The following WDFY2 variants were observed in gnomAD, a reference collection of about 807,000 sequenced individuals.
WDFY2 encodes the protein WD repeat and FYVE domain containing 2.
In WDFY2, 36 loss-of-function variants were observed where a neutral mutation model predicts 56.4. The ratio of observed to expected loss-of-function variants is 0.64; its 90% confidence interval spans 0.49 to 0.84. WDFY2 has a LOEUF of 0.84. Among genes scored for constraint, WDFY2 ranks in the 40% least tolerant of loss-of-function variants. WDFY2 has a pLI of 0.00. For synonymous variants in WDFY2, 176 were observed against 183.7 expected, an observed-to-expected ratio of 0.96 and a Z score of 0.34; for missense variants, 444 against 512.2, an observed-to-expected ratio of 0.87 and a Z score of 1.29.
chr13:51,729,411 T>TAAAA (rs766653299), intron 6 of WDFY2, among the ~76,000 whole-genome samples: 1 of 136,902 alleles, frequency 7.3e-6, no homozygotes, highest in Non-Finnish European at 1.6e-5. Flanking sequence ...ATAGAAGCTT[T>TAAAA]AAAAAAAAAA....
chr13:51,702,356 C>G (rs1952003014), intron 3 of WDFY2, among the ~76,000 whole-genome samples: 1 of 151,692 alleles, frequency 6.6e-6, no homozygotes, highest in Non-Finnish European at 1.5e-5. Context: ...AATTGTAGGT[C>G]TAACTCTTCC....
intron 1 of WDFY2, among the ~76,000 whole-genome samples, chr13:51,595,025 A>G (rs753563440): frequency 7.2e-5 from 11 of 152,030 alleles, no homozygotes; most frequent in South Asian, 6.2e-4. Flanking sequence ...TTTCTTCTCT[A>G]TTATAGAAGG....
chr13:51,712,282 C>T (rs906358966), intron 4 of WDFY2, among the ~76,000 whole-genome samples: 5 of 152,084 alleles, frequency 3.3e-5, no homozygotes, highest in Admixed American at 6.6e-5. Flanking sequence ...GAACATCACA[C>T]GCTGGGGCCT....
chr13:51,640,646 C>T (rs964492932), intron 1 of WDFY2, among the ~76,000 whole-genome samples: 5 of 151,956 alleles, frequency 3.3e-5, no homozygotes, highest in Admixed American at 6.6e-5. Context: ...GTCAGGAGTT[C>T]GAGACCAGCC....
chr13:51,695,375 T>C (rs1208384181), intron 3 of WDFY2, among the ~76,000 whole-genome samples: 1 of 152,202 alleles, frequency 6.6e-6, no homozygotes, highest in Admixed American at 6.5e-5. Flanking sequence ...GGATGTCCTT[T>C]CTGTTTGTTA....
At position 51,650,714 on chromosome 13, in the gene WDFY2, G is replaced by A. The variant is rs1225139115; in HGVS notation, c.138-9882G>A. ...TGGTTCTGTTTATATGCTGGATTAC[G>A]TTAATTGATTTGCGTATGTTGAACC... On this transcript the variant is annotated intron_variant, in intron 1 of 11. Transcript: ENST00000298125. Among the ~76,000 whole-genome samples the A allele has an allele frequency of 2.6e-5, 4 of 152,274 alleles. No homozygotes were observed. The South Asian group carries it at 8.3e-4, about 32-fold the overall frequency.
chr13:51,735,956 C>T (rs1952825085), intron 6 of WDFY2, among the ~76,000 whole-genome samples: 2 of 152,154 alleles, frequency 1.3e-5, no homozygotes, highest in Admixed American at 1.3e-4. Context: ...CTCTGTGTTG[C>T]CAAGAACTCC....
chr13:51,658,326 A>G (rs543297581), intron 1 of WDFY2, among the ~76,000 whole-genome samples: 8 of 152,346 alleles, frequency 5.3e-5, no homozygotes, highest in African/African-American at 1.9e-4. Context: ...CTTTTGAAAG[A>G]CACTGCTTGG....
chr13:51,629,896 A>G (rs1453981509), intron 1 of WDFY2, among the ~76,000 whole-genome samples: 2 of 145,250 alleles, frequency 1.4e-5, no homozygotes, highest in Admixed American at 7.1e-5. Context: ...ACAGTATGTG[A>G]AGCAGGAGGT....
chr13:51,763,002 A>G lies in WDFY2; in HGVS notation c.*3233A>G, dbSNP rs530999691. ...TCATTTTGTATGGGGTCAATCCACC[A>G]TAACGTGTTTCTCATTTGGTTTTAA... On this transcript the variant is annotated 3_prime_UTR_variant, in exon 12 of 12. Coordinates refer to ENST00000298125, the MANE Select transcript of WDFY2 (RefSeq NM_052950.4). 4 of 152,330 alleles carry G rather than the reference A, an allele frequency of 2.6e-5. No homozygotes were observed. The highest frequency in any genetic ancestry group is 1.9e-4 in the East Asian group (1 of 5,186). 9.4% of individuals were successfully genotyped at this position (152,330 alleles called of 1,614,324 possible).
intron 6 of WDFY2, among the ~76,000 whole-genome samples, chr13:51,731,848 C>T (rs1278415997): frequency 6.6e-6 from 1 of 152,168 alleles, no homozygotes; most frequent in Non-Finnish European, 1.5e-5. Context: ...CAGTATGTGT[C>T]CAGAGTCGTA....
At chr13:51,758,904 C>G (rs992711837) in intron 11 of WDFY2, among the ~76,000 whole-genome samples, 1 of 152,146 alleles carries the variant, frequency 6.6e-6, no homozygotes, top group Admixed American at 6.6e-5. Flanking sequence ...AACTCTGGGG[C>G]TGGGTGTGTT....
At chr13:51,623,161 A>T (rs1645065511) in intron 1 of WDFY2, among the ~76,000 whole-genome samples, 1 of 152,006 alleles carries the variant, frequency 6.6e-6, no homozygotes, top group South Asian at 2.1e-4. Flanking sequence ...CATGGCCTTA[A>T]CTGTACACTT....
chr13:51,702,918 G>T (rs12428713), intron 3 of WDFY2, among the ~76,000 whole-genome samples: 2,512 of 152,208 alleles, frequency 0.017, 72 homozygotes, highest in Admixed American at 0.058. Context: ...TCTACATACA[G>T]GTCACTGTAT....
chr13:51,630,271 C>T (rs1369902101), intron 1 of WDFY2, among the ~76,000 whole-genome samples: 3 of 152,044 alleles, frequency 2.0e-5, no homozygotes, highest in African/African-American at 4.8e-5. Flanking sequence ...TTCCCATGTA[C>T]GATTTCTTAC....
intron 10 of WDFY2, chr13:51,756,729 A>G (rs1010873364): frequency 1.3e-6 from 1 of 797,346 alleles, no homozygotes. Flanking sequence ...TGCTCCCAGA[A>G]CAAACCCTTC....
rs911877944 is a variant in WDFY2 at position 51,719,285 on chromosome 13, A to C, written c.422A>C (p.His141Pro). The C allele has an allele frequency of 6.2e-7, 1 of 1,614,148 alleles. No homozygotes were observed. The highest frequency in any genetic ancestry group is 8.5e-7 in the Non-Finnish European group (1 of 1,179,998). Reference sequence around the variant, plus strand: ...GGACAGGACAAGCAATTTGCCTGGCACTGCTCTGAGAGTGGGCAGCGCCTG... The same window carrying C: ...GGACAGGACAAGCAATTTGCCTGGCCCTGCTCTGAGAGTGGGCAGCGCCTG... The part of the protein sequence containing the change: ...STGQDKQFAW[H>P]CSESGQRLGG... Residue 141 changes from histidine (H) to proline (P), a missense_variant, in exon 5 of 12, where the codon CAC becomes CCC. Physicochemically the swap from His to Pro is moderately conservative, Grantham distance 77. Coordinates refer to ENST00000298125, the MANE Select transcript of WDFY2 (RefSeq NM_052950.4).
At chr13:51,654,594 G>T (rs1955472513) in intron 1 of WDFY2, among the ~76,000 whole-genome samples, 1 of 151,928 alleles carries the variant, frequency 6.6e-6, no homozygotes, top group Non-Finnish European at 1.5e-5. Flanking sequence ...GGCTTAATAT[G>T]ACTCGTAACC....
At chr13:51,653,490 A>T (rs180878509) in intron 1 of WDFY2, among the ~76,000 whole-genome samples, 44 of 151,940 alleles carry the variant, frequency 2.9e-4, no homozygotes, top group African/African-American at 1.0e-3. Flanking sequence ...GATTTTTAGA[A>T]TTTTCAGTAT....
Sources: allele counts gnomAD v4.1 joint callset (sites outside exome capture counted in the v4.1 genomes callset), GRCh38; gene constraint gnomAD v4.1.1; transcripts MANE v1.5; gene names NCBI Gene and HGNC (gene_info 2026-07-23, HGNC 2026-07-21).